SCRN2: variants seen among roughly 807,000 people sequenced by gnomAD.
The protein encoded by SCRN2 is secernin-2.
In SCRN2, 30 loss-of-function variants were observed where a neutral mutation model predicts 40.1. That is an observed-to-expected ratio of 0.75 (90% CI 0.56 to 1.01). The LOEUF (loss-of-function observed/expected upper bound fraction) is 1.01. Among genes scored for constraint, SCRN2 ranks in the 50% least tolerant of loss-of-function variants. The pLI is 0.00. For synonymous variants in SCRN2, 240 were observed against 233.5 expected, an observed-to-expected ratio of 1.03 and a Z score of -0.25; for missense variants, 526 against 564.9, an observed-to-expected ratio of 0.93 and a Z score of 0.70.
rs530726051 is a variant in SCRN2, at chr17:47,838,561, T to C, written c.908A>G (p.His303Arg). 49 of 1,614,014 alleles carry C rather than the reference T, an allele frequency of 3.0e-5. No individual in the cohort carries two copies. Among genetic ancestry groups the C allele is most frequent in the Non-Finnish European group, 3.8e-5 (45 of 1,180,016 alleles). Residue 303 changes from histidine (H) to arginine (R), a missense_variant, in exon 6 of 8, where the codon CAC becomes CGC. Physicochemically the swap from His to Arg is conservative, Grantham distance 29. Transcript: ENST00000290216. ...LPQDPTQPCV[H>R]FLTATPDPSR... ...TGGGTCTGGCGTGGCGGTAAGAAAG[T>C]GCACGCAGGGCTGCGTGGGATCCTG...
Position 47,837,978 on chromosome 17 carries a change from T to C in SCRN2, c.1144A>G (p.Lys382Glu). The C allele has an allele frequency of 6.2e-7, 1 of 1,607,614 alleles. No individual in the cohort carries two copies. Among genetic ancestry groups the C allele is most frequent in the Non-Finnish European group, 8.5e-7 (1 of 1,179,662 alleles). ...CCTTCCTGCTCCAGATCCTGCTGTTTCTGCTGGAGCTGCTGCCCCCGATCC... is the reference window on the plus strand; with the variant it reads ...CCTTCCTGCTCCAGATCCTGCTGTTCCTGCTGGAGCTGCTGCCCCCGATCC... ...DQDRGQQLQQ[K>E]QQDLEQEGLE... The change falls in exon 8 of 8, where the codon AAA (lysine) becomes GAA (glutamate). Residue 382 changes from lysine to glutamate, a missense_variant. Coordinates refer to ENST00000290216, the MANE Select transcript of SCRN2 (RefSeq NM_138355.4).
intron 3 of SCRN2, 48 bp downstream of exon 3, chr17:47,840,143 C>T: frequency 1.3e-6 from 2 of 1,573,152 alleles, no homozygotes; most frequent in Non-Finnish European, 1.7e-6. Context: ...AAACTCAGCC[C>T]CTAGATTTCT....
Position 47,840,827 on chromosome 17 carries a change from G to A in SCRN2, c.17C>T (p.Pro6Leu). 1 of 1,537,786 alleles carries A rather than the reference G, an allele frequency of 6.5e-7. No individual in the cohort carries two copies. The highest frequency in any genetic ancestry group is 8.8e-7 in the Non-Finnish European group (1 of 1,139,104). Reference sequence around the variant, plus strand: ...GCAGTCGCAGGAACATGGGGAGTCAGGGCTCGACGACGCCATCTGGGGAGA... The same window carrying A: ...GCAGTCGCAGGAACATGGGGAGTCAAGGCTCGACGACGCCATCTGGGGAGA... MASSS[P>L]DSPCSCDCFV... Residue 6 changes from proline (P) to leucine (L), a missense_variant, in exon 2 of 8, where the codon CCT (proline) becomes CTT (leucine). Coordinates refer to ENST00000290216, the MANE Select transcript of SCRN2 (RefSeq NM_138355.4).
chr17:47,837,744 G>T lies in SCRN2; in HGVS notation c.*100C>A. ...AGGCCAAGCTGGCCGCTCAGAACATGGCCAAGGAGCGTGAAGGGATTGCTC... is the reference window on the plus strand; with the variant it reads ...AGGCCAAGCTGGCCGCTCAGAACATTGCCAAGGAGCGTGAAGGGATTGCTC... On this transcript the variant is annotated 3_prime_UTR_variant, in exon 8 of 8. Coordinates refer to ENST00000290216, the MANE Select transcript of SCRN2 (RefSeq NM_138355.4). The T allele has an allele frequency of 7.3e-7, 1 of 1,376,468 alleles. No individual in the cohort carries two copies. The highest frequency in any genetic ancestry group is 9.6e-7 in the Non-Finnish European group (1 of 1,040,146). 85.3% of individuals were successfully genotyped at this position (1,376,468 alleles called of 1,614,324 possible). A position where few individuals can be genotyped will look rare whatever the true frequency, so the allele number is the denominator to read the frequency against.
rs1265038007 is a variant in SCRN2 at position 47,838,680 on chromosome 17, C to T, written c.789G>A (p.Glu263=). The T allele has an allele frequency of 1.2e-5, 19 of 1,613,834 alleles. No homozygotes were observed. The highest frequency in any genetic ancestry group is 2.2e-5 in the South Asian group (2 of 91,078). Residue 263 remains glutamate, a synonymous_variant, in exon 6 of 8, where the codon GAG becomes GAA. Coordinates refer to ENST00000290216, the MANE Select transcript of SCRN2 (RefSeq NM_138355.4). ...TGTCTCTGAGGATGCCCATCATCAC[C>T]TCTGCCGTGATGCCCCCTGCCAAGG... ...LRQRQGGITA[E]VMMGILRDKE...
rs1266944118 is a variant in SCRN2 at position 47,837,873 on chromosome 17, C to A, written c.1249G>T (p.Val417Leu). The change falls in exon 8 of 8, where the codon GTG (valine) becomes TTG (leucine). Residue 417 changes from valine to leucine, a missense_variant. Physicochemically the swap from Val to Leu is conservative, Grantham distance 32. Coordinates refer to ENST00000290216, the MANE Select transcript of SCRN2 (RefSeq NM_138355.4). ...WELGSLFQAF[V>L]KRESQAYA ...GCATAAGCCTGGCTCTCCCTCTTCA[C>A]GAAGGCCTGGAAGAGGCTGCCCAGC... 3.7e-6 allele frequency: 6 copies of A among 1,601,936 alleles called. No homozygotes were observed. The highest frequency in any genetic ancestry group is 5.1e-6 in the Non-Finnish European group (6 of 1,179,584).
rs1357867308 is a variant in SCRN2, at chr17:47,840,675, G to T, written c.169C>A (p.Leu57Ile). The T allele has an allele frequency of 2.5e-6, 4 of 1,602,142 alleles. No individual in the cohort carries two copies. The highest frequency in any genetic ancestry group is 3.4e-6 in the Non-Finnish European group (4 of 1,174,352). ...CCCCATAAAGTCTAACCCACCTGGA[G>T]CCGGCTCCCAGGAGTGTGAGTGCCT... is the stretch of plus-strand genomic sequence containing the variant. ...PAGTHTPGSR[L>I]QCTYIEVEQV... The change falls in exon 2 of 8, where the codon CTC becomes ATC. Residue 57 changes from leucine to isoleucine, a missense_variant. Coordinates refer to ENST00000290216, the MANE Select transcript of SCRN2 (RefSeq NM_138355.4).
chr17:47,838,873 G>C lies in SCRN2; in HGVS notation c.690C>G (p.Phe230Leu). The change falls in exon 5 of 8, where the codon TTC (phenylalanine) becomes TTG (leucine). Residue 230 changes from phenylalanine to leucine, a missense_variant. Transcript: ENST00000290216. ...TGCGCACAGGCTGCTGGGTCAGGGAGAAGATCTGAGCAAAGTCAAAGGCAC... is the reference window on the plus strand; with the variant it reads ...TGCGCACAGGCTGCTGGGTCAGGGACAAGATCTGAGCAAAGTCAAAGGCAC... Reference protein sequence around the residue: ...GQGAFDFAQIFSLTQQPVRME... With the variant: ...GQGAFDFAQILSLTQQPVRME... The C allele has an allele frequency of 6.2e-7, 1 of 1,613,754 alleles. No homozygotes were observed.
At position 47,838,312 on chromosome 17, in the gene SCRN2, G is replaced by T; in HGVS notation, c.1077C>A (p.Tyr359Ter). Reference sequence around the variant, plus strand: ...GCCCCAGGGCTGCCTGGTGTCCACGGTAGAGGGTATGCCGACGATCTACCT... The same window carrying T: ...GCCCCAGGGCTGCCTGGTGTCCACGTTAGAGGGTATGCCGACGATCTACCT... ...QTQVDRRHTLYRGHQAALGLM... is the reference protein window; with the variant it reads ...QTQVDRRHTL The change falls in exon 7 of 8, where the codon TAC (tyrosine) becomes TAA (stop). Residue 359 changes from tyrosine to a stop codon, truncating the protein, a stop_gained. Coordinates refer to ENST00000290216, the MANE Select transcript of SCRN2 (RefSeq NM_138355.4). LOFTEE classifies it high-confidence loss of function. 1 of 1,610,286 alleles carries T rather than the reference G, an allele frequency of 6.2e-7. No individual in the cohort carries two copies. The highest frequency in any genetic ancestry group is 8.5e-7 in the Non-Finnish European group (1 of 1,178,580).
chr17:47,839,103 T>C, intron 4 of SCRN2, 97 bp from the exon 5 acceptor site: 1 of 1,313,086 alleles, frequency 7.6e-7, no homozygotes, highest in Non-Finnish European at 1.1e-6. Flanking sequence ...AGAAGAGAAC[T>C]ACCTACCCTC....
At chr17:47,838,093 G>C in intron 7 of SCRN2, 91 bp from the exon 8 acceptor site, 1 of 1,554,642 alleles carries the variant, frequency 6.4e-7, no homozygotes, top group East Asian at 2.3e-5. Context: ...ACAAGCAGGA[G>C]AAAGGAGATA....
Position 47,837,969 on chromosome 17 carries a change from CCTG to C in SCRN2, c.1150_1152del (p.Gln384del). The C allele has an allele frequency of 2.5e-6, 4 of 1,607,912 alleles. No homozygotes were observed. Among genetic ancestry groups the C allele is most frequent in the Non-Finnish European group, 3.4e-6 (4 of 1,179,714 alleles). On this transcript the variant is annotated inframe_deletion, in exon 8 of 8. Transcript: ENST00000290216. ...GCCTCGAGGCCTTCCTGCTCCAGAT[CCTG>C]CTGTTTCTGCTGGAGCTGCTGCCCC...
At chr17:47,840,440 G>A (rs933967244) in intron 2 of SCRN2, 68 bp from the exon 3 acceptor site, 3 of 1,530,464 alleles carry the variant, frequency 2.0e-6, no homozygotes, top group Non-Finnish European at 2.7e-6. Context: ...GTGGCACTCT[G>A]CCAATTACCT....
rs1230428774 is a variant in SCRN2 at position 47,840,378 on chromosome 17, G to A, written c.175-6C>T. 6.2e-7 allele frequency: 1 copy of A among 1,613,394 alleles called. No homozygotes were observed. The highest frequency in any genetic ancestry group is 1.1e-5 in the South Asian group (1 of 91,070). ...TCCACTTCAATGTAGGTGCACTGGAGGTGAGGGAGGAGAAAGGAAGCGTCC... is the reference window on the plus strand; with the variant it reads ...TCCACTTCAATGTAGGTGCACTGGAAGTGAGGGAGGAGAAAGGAAGCGTCC... On this transcript the variant is annotated splice_polypyrimidine_tract_variant and splice_region_variant and intron_variant, in intron 2 of 7. Transcript: ENST00000290216.
chr17:47,839,981 A>AAAT, intron 3 of SCRN2: 1 of 593,048 alleles, frequency 1.7e-6, no homozygotes, highest in Non-Finnish European at 3.0e-6. Flanking sequence ...AACTGAAAAT[A>AAAT]AATAAATAAC....
rs770438007 is a variant in SCRN2, at chr17:47,840,372, A to C, written c.175T>G (p.Cys59Gly). ...ACCTGTTCCACTTCAATGTAGGTGCACTGGAGGTGAGGGAGGAGAAAGGAA... is the reference window on the plus strand; with the variant it reads ...ACCTGTTCCACTTCAATGTAGGTGCCCTGGAGGTGAGGGAGGAGAAAGGAA... ...GTHTPGSRLQ[C>G]TYIEVEQVSK... The change falls in exon 3 of 8, where the codon TGC becomes GGC. Residue 59 changes from cysteine to glycine, a missense_variant and splice_region_variant. By Grantham distance (159) the Cys-to-Gly change is radical. Transcript: ENST00000290216. The C allele has an allele frequency of 6.2e-7, 1 of 1,613,780 alleles. No individual in the cohort carries two copies. The highest frequency in any genetic ancestry group is 8.5e-7 in the Non-Finnish European group (1 of 1,179,768).
Position 47,839,578 on chromosome 17 carries a change from T to C in SCRN2, c.422A>G (p.His141Arg). ...ALHVITGLLE[H>R]YGQGGNCLED... is the part of the protein sequence containing the mutation. ...CAGGCAGTTGCCCCCCTGCCCATAGTGCTCCAGTAACCCTGTGATCACATG... is the reference window on the plus strand; with the variant it reads ...CAGGCAGTTGCCCCCCTGCCCATAGCGCTCCAGTAACCCTGTGATCACATG... Residue 141 changes from histidine (H) to arginine (R), a missense_variant, in exon 4 of 8, where the codon CAC (histidine) becomes CGC (arginine). Coordinates refer to ENST00000290216, the MANE Select transcript of SCRN2 (RefSeq NM_138355.4). 6.2e-7 allele frequency: 1 copy of C among 1,614,064 alleles called. No homozygotes were observed. Among genetic ancestry groups the C allele is most frequent in the South Asian group, 1.1e-5 (1 of 91,088 alleles).
rs1421401539 is a variant in SCRN2 at position 47,838,298 on chromosome 17, G to T, written c.1091C>A (p.Ala364Glu). The T allele has an allele frequency of 1.2e-6, 2 of 1,604,992 alleles. No homozygotes were observed. Among genetic ancestry groups the T allele is most frequent in the East Asian group, 2.2e-5 (1 of 44,774 alleles). The change falls in exon 7 of 8, where the codon GCA becomes GAA. Residue 364 changes from alanine to glutamate, a missense_variant. By Grantham distance (107) the Ala-to-Glu change is moderately radical. Transcript: ENST00000290216. ...ATCTCTCTCCATCAGCCCCAGGGCT[G>T]CCTGGTGTCCACGGTAGAGGGTATG... Reference protein sequence around the residue: ...RRHTLYRGHQAALGLMERDQD... With the variant: ...RRHTLYRGHQEALGLMERDQD...
chr17:47,839,753 G>A, intron 3 of SCRN2, 110 bp from the exon 4 acceptor site: 1 of 1,104,852 alleles, frequency 9.1e-7, no homozygotes. Flanking sequence ...ATAGGCCCAA[G>A]TCACACAGCA....
Sources: gnomAD v4.1 joint callset for allele counts on GRCh38, gnomAD v4.1.1 for gene constraint, MANE v1.5 for transcripts, NCBI Gene and HGNC (gene_info 2026-07-23, HGNC 2026-07-21) for gene names.